Variants in PRIMA1 observed in about 807,000 individuals in gnomAD.
PRIMA1 encodes proline rich membrane anchor 1, also known as proline-rich membrane anchor 1.
In PRIMA1, 7 loss-of-function variants were observed where a neutral mutation model predicts 17.5. The observed-to-expected ratio is 0.40, with a 90% CI of 0.23 to 0.75. PRIMA1 has a LOEUF of 0.75. PRIMA1 is among the 30% of genes least tolerant of loss of function. The pLI, the probability that PRIMA1 is intolerant of heterozygous loss-of-function variation, is 0.37. For missense variants in PRIMA1, 200 were observed against 201.8 expected (o/e 0.99, Z 0.05); for synonymous variants, 97 against 77.9 (o/e 1.25, Z -1.29).
chr14:93,729,239 A>G (rs939767597), intron 4 of PRIMA1, among the ~76,000 whole-genome samples: 2 of 152,258 alleles, frequency 1.3e-5, no homozygotes, highest in African/African-American at 2.4e-5. Context: ...CCATGCATCA[A>G]TGCTCAGCAC....
At chr14:93,737,134 T>C in intron 4 of PRIMA1, 107 bp downstream of exon 4, 1 of 1,129,168 alleles carries the variant, frequency 8.9e-7, no homozygotes, top group Non-Finnish European at 1.3e-6. Flanking sequence ...CTTATATGCT[T>C]AACAACTTTT....
intron 3 of PRIMA1, among the ~76,000 whole-genome samples, chr14:93,769,533 G>C (rs10148508): frequency 0.6 from 91,307 of 152,112 alleles, 29,754 homozygotes; most frequent in Middle Eastern, 0.76. Context: ...GACATGGCCC[G>C]TGTTTGATGC....
At chr14:93,788,157 C>T (rs1885581444) in intron 1 of PRIMA1, among the ~76,000 whole-genome samples, 1 of 152,188 alleles carries the variant, frequency 6.6e-6, no homozygotes, top group Non-Finnish European at 1.5e-5. Flanking sequence ...AACAGCCGTG[C>T]ACACACACTG....
intron 2 of PRIMA1, among the ~76,000 whole-genome samples, chr14:93,785,198 A>AAG (rs1467426250): frequency 6.6e-6 from 1 of 151,618 alleles, no homozygotes; most frequent in African/African-American, 2.4e-5. Flanking sequence ...CAAAAAAAAA[A>AAG]AAAAAAAAAG....
At chr14:93,755,008 G>A (rs1291653960) in intron 3 of PRIMA1, among the ~76,000 whole-genome samples, 1 of 152,160 alleles carries the variant, frequency 6.6e-6, no homozygotes, top group African/African-American at 2.4e-5. Flanking sequence ...AGTGAGGTGA[G>A]GTCTCGAAAG....
intron 3 of PRIMA1, among the ~76,000 whole-genome samples, chr14:93,739,049 TTTTC>T (rs1426145704): frequency 1.3e-5 from 2 of 152,062 alleles, no homozygotes; most frequent in Non-Finnish European, 2.9e-5. Flanking sequence ...TGTTGTTGTT[TTTTC>T]TTTCTTTTTT....
intron 3 of PRIMA1, among the ~76,000 whole-genome samples, chr14:93,739,236 G>A (rs373867746): frequency 6.6e-6 from 1 of 152,026 alleles, no homozygotes; most frequent in African/African-American, 2.4e-5. Context: ...ATTTTTAGTA[G>A]AGACGGGGTT....
intron 3 of PRIMA1, among the ~76,000 whole-genome samples, chr14:93,778,143 G>A (rs936392969): frequency 1.3e-5 from 2 of 152,210 alleles, no homozygotes; most frequent in Non-Finnish European, 2.9e-5. Flanking sequence ...TAATTGTGAC[G>A]ATTCCCAAGT....
intron 4 of PRIMA1, among the ~76,000 whole-genome samples, chr14:93,727,506 C>G (rs1043699072): frequency 6.6e-6 from 1 of 152,164 alleles, no homozygotes; most frequent in Admixed American, 6.5e-5. Context: ...GGATGGAGAT[C>G]CCTGCTGGGG....
intron 2 of PRIMA1, 141 bp downstream of exon 2, chr14:93,787,485 G>A (rs1429871560): frequency 3.3e-6 from 4 of 1,212,130 alleles, no homozygotes; most frequent in African/African-American, 1.5e-5. Flanking sequence ...ATAGGGGACC[G>A]TAGCAGCTTT....
Position 93,720,189 on chromosome 14 carries a change from G to C in PRIMA1, c.*1255C>G, listed in dbSNP as rs763892012. The C allele has an allele frequency of 1.3e-5, 2 of 152,228 alleles. No homozygotes were observed. Among genetic ancestry groups the C allele is most frequent in the African/African-American group, 2.4e-5 (1 of 41,442 alleles). The allele number at this position is 152,228 out of a possible 1,614,324, so 9.4% of individuals were successfully genotyped here. ...CAGGAGTGTCCCACTCATTTTCCAG[G>C]AGATGCAAAATCACCCTGTCTCCGT... is the stretch of plus-strand genomic sequence containing the variant. On this transcript the variant is annotated 3_prime_UTR_variant, in exon 5 of 5. Transcript: ENST00000393140.
chr14:93,779,233 G>GGCC lies in PRIMA1; in HGVS notation c.171_172insGGC (p.Pro57_Pro58insGly). 3.7e-6 allele frequency: 4 copies of GGCC among 1,094,082 alleles called. No individual in the cohort carries two copies. The highest frequency in any genetic ancestry group is 5.2e-6 in the Non-Finnish European group (4 of 775,626). 67.8% of individuals were successfully genotyped at this position (1,094,082 alleles called of 1,614,324 possible). On this transcript the variant is annotated inframe_insertion, in exon 3 of 5. Coordinates refer to ENST00000393140, the MANE Select transcript of PRIMA1 (RefSeq NM_178013.4). ...GGTGGGGGCGGCGGGGGCAGCGGGG[G>GGCC]AGGGGGCCGGCACTGGCAGACGTGT...
intron 2 of PRIMA1, among the ~76,000 whole-genome samples, chr14:93,782,286 A>AC (rs1388719598): frequency 1.3e-5 from 2 of 151,734 alleles, no homozygotes; most frequent in African/African-American, 4.8e-5. Context: ...ATAAATAAAT[A>AC]AATAAATACA....
intron 3 of PRIMA1, among the ~76,000 whole-genome samples, chr14:93,778,254 C>A (rs1254573249): frequency 6.6e-6 from 1 of 152,150 alleles, no homozygotes; most frequent in East Asian, 1.9e-4. Flanking sequence ...CATTTGAGGG[C>A]CAGGCTTTGA....
chr14:93,772,781 C>T (rs1357466892), intron 3 of PRIMA1, among the ~76,000 whole-genome samples: 3 of 152,242 alleles, frequency 2.0e-5, no homozygotes, highest in Non-Finnish European at 4.4e-5. Context: ...TCTACACCTC[C>T]TTCGAGAGCC....
intron 4 of PRIMA1, among the ~76,000 whole-genome samples, chr14:93,728,008 C>T (rs997093990): frequency 6.6e-6 from 1 of 152,204 alleles, no homozygotes; most frequent in African/African-American, 2.4e-5. Context: ...CAGAAATGCC[C>T]GGCACTGCTT....
At chr14:93,770,291 C>T (rs1885021365) in intron 3 of PRIMA1, among the ~76,000 whole-genome samples, 1 of 152,180 alleles carries the variant, frequency 6.6e-6, no homozygotes, top group Admixed American at 6.5e-5. Flanking sequence ...TGAGGGCATG[C>T]CACACCCCCT....
At chr14:93,755,943 T>C (rs1286710656) in intron 3 of PRIMA1, among the ~76,000 whole-genome samples, 3 of 152,200 alleles carry the variant, frequency 2.0e-5, no homozygotes, top group Non-Finnish European at 4.4e-5. Flanking sequence ...GTGGCCCTAC[T>C]CTTCCCCACC....
At chr14:93,781,195 G>C (rs953217989) in intron 2 of PRIMA1, among the ~76,000 whole-genome samples, 3 of 152,232 alleles carry the variant, frequency 2.0e-5, no homozygotes, top group Non-Finnish European at 4.4e-5. Flanking sequence ...ACCCTGGAAG[G>C]CAATCTTCTC....
Sources: gnomAD v4.1 joint callset for allele counts (sites outside exome capture counted in the v4.1 genomes callset) on GRCh38, gnomAD v4.1.1 for gene constraint, MANE v1.5 for transcripts, NCBI Gene and HGNC (gene_info 2026-07-23, HGNC 2026-07-21) for gene names.